Variants in ADGRB1 observed in about 807,000 individuals in gnomAD.
ADGRB1 encodes adhesion G protein-coupled receptor B1, also known as brain-specific angiogenesis inhibitor 1.
A neutral mutation model predicts 175.7 loss-of-function variants in ADGRB1; 36 were observed. The observed-to-expected ratio is 0.20, with a 90% CI of 0.16 to 0.27. The LOEUF (loss-of-function observed/expected upper bound fraction) is 0.27. Ranked by LOEUF, ADGRB1 falls within the 10% of genes least tolerant of loss-of-function variation. ADGRB1 has a pLI of 1.00. For synonymous variants in ADGRB1, 1,054 were observed against 979.4 expected (o/e 1.08, Z -1.42); for missense variants, 1,731 against 2,255.3 (o/e 0.77, Z 4.71).
chr8:142,487,195 G>A (rs1841712069), intron 13 of ADGRB1, among the ~76,000 whole-genome samples: 2 of 152,092 alleles, frequency 1.3e-5, no homozygotes. Flanking sequence ...TGGTGCCCAT[G>A]CCAGCCCTCC....
chr8:142,543,717 G>A lies in ADGRB1; in HGVS notation c.4557+9G>A, dbSNP rs1845422570. On this transcript the variant is annotated intron_variant, in intron 30 of 30. Transcript: ENST00000517894. This position sits in a 1 kb window ranked among gnomAD's most constrained non-coding sequence, Gnocchi z 4.4. ...TGGGGCCGGACAGCAAGGTCTGGAG[G>A]GCAGGGAGGGGCGGGGTGGGGAGAG... is the stretch of plus-strand genomic sequence containing the variant. 3 of 1,549,036 alleles carry A rather than the reference G, an allele frequency of 1.9e-6. No homozygotes were observed. Among genetic ancestry groups the A allele is most frequent in the Non-Finnish European group, 2.6e-6 (3 of 1,144,736 alleles).
chr8:142,527,391 GTC>G (rs781242197), intron 24 of ADGRB1, among the ~76,000 whole-genome samples: 5 of 152,054 alleles, frequency 3.3e-5, no homozygotes, highest in Admixed American at 2.0e-4. Context: ...GTGTCTCTCT[GTC>G]TCTCTCTCTG....
In ADGRB1 at chr8:142,526,534, C is replaced by T; in HGVS notation, c.3313-8C>T. The T allele has an allele frequency of 6.4e-7, 1 of 1,564,976 alleles. No homozygotes were observed. Among genetic ancestry groups the T allele is most frequent in the Non-Finnish European group, 8.7e-7 (1 of 1,150,772 alleles). ...ACCCCCACACCCCCACCACTCTCTG[C>T]CCGGCAGGTGAACATGGTCATTGGG... On this transcript the variant is annotated splice_region_variant and splice_polypyrimidine_tract_variant and intron_variant, in intron 23 of 30. Coordinates refer to ENST00000517894, the MANE Select transcript of ADGRB1 (RefSeq NM_001702.3).
In ADGRB1 at chr8:142,493,767, G is replaced by A. The variant is rs1842088720; in HGVS notation, c.2675+2952G>A. On this transcript the variant is annotated intron_variant, in intron 17 of 30. Transcript: ENST00000517894. The surrounding 1 kb of genome is among the most constrained non-coding windows in gnomAD (Gnocchi z 5.0). ...ACTGGGCAGCCTGGAGCCCTAGAGG[G>A]CGGGCCACGGCTGGCAGGGAAGGAC... Among the ~76,000 whole-genome samples the A allele has an allele frequency of 6.6e-6, 1 of 152,252 alleles. No homozygotes were observed. The highest frequency in any genetic ancestry group is 2.4e-5 in the African/African-American group (1 of 41,476).
chr8:142,529,530 C>T (rs1230118233), intron 24 of ADGRB1, among the ~76,000 whole-genome samples: 1 of 152,076 alleles, frequency 6.6e-6, no homozygotes. Context: ...AAGAGTGTGC[C>T]TTGATGTGTG....
At chr8:142,524,942 C>T (rs1489599523) in intron 23 of ADGRB1, among the ~76,000 whole-genome samples, 1 of 152,076 alleles carries the variant, frequency 6.6e-6, no homozygotes, top group Non-Finnish European at 1.5e-5. Flanking sequence ...CAGCCAGCCC[C>T]CACCTCTCTA....
At chr8:142,524,445 G>T in intron 23 of ADGRB1, 141 bp downstream of exon 23, 3 of 989,040 alleles carry the variant, frequency 3.0e-6, no homozygotes, top group Non-Finnish European at 4.4e-6. Flanking sequence ...ATCACCAGGG[G>T]GTGGGGGTGC....
At chr8:142,488,335 G>C in intron 13 of ADGRB1, 29 bp from the exon 14 acceptor site, 1 of 1,611,744 alleles carries the variant, frequency 6.2e-7, no homozygotes, top group African/African-American at 1.3e-5. Context: ...CCTCCTCTCT[G>C]TCTCTCCCGC....
At chr8:142,513,921 G>C (rs1044345871) in intron 18 of ADGRB1, among the ~76,000 whole-genome samples, 7 of 152,102 alleles carry the variant, frequency 4.6e-5, no homozygotes, top group African/African-American at 1.7e-4. Context: ...TACTCCAGGG[G>C]CGTGAGGAGC....
Position 142,542,301 on chromosome 8 carries a change from G to T in ADGRB1, c.4067G>T (p.Arg1356Leu). ...VILPTATATL[R>L]PKPKEEPKYS... is the part of the protein sequence containing the mutation. ...CTGCCCACGGCCACGGCCACGCTGC[G>T]GCCCAAGCCCAAGGAGGAGCCCAAG... The change falls in exon 28 of 31, where the codon CGG (arginine) becomes CTG (leucine). Residue 1356 changes from arginine to leucine, a missense_variant. Arg to Leu is a moderately radical substitution (Grantham distance 102). Coordinates refer to ENST00000517894, the MANE Select transcript of ADGRB1 (RefSeq NM_001702.3). This position sits in a 1 kb window ranked among gnomAD's most constrained non-coding sequence, Gnocchi z 6.3. 1.9e-6 allele frequency: 3 copies of T among 1,613,180 alleles called. No homozygotes were observed. Among genetic ancestry groups the T allele is most frequent in the Non-Finnish European group, 2.5e-6 (3 of 1,179,786 alleles).
intron 24 of ADGRB1, among the ~76,000 whole-genome samples, chr8:142,528,148 C>T (rs577541865): frequency 8.5e-5 from 13 of 152,360 alleles, no homozygotes; most frequent in African/African-American, 2.6e-4. Context: ...GGCACACACA[C>T]GTGGGCATAC....
rs775975204 is a variant in ADGRB1 at position 142,493,102 on chromosome 8, G to C, written c.2675+2287G>C. 6.6e-5 allele frequency among the ~76,000 whole-genome samples: 10 copies of C among 151,956 alleles called. No individual in the cohort carries two copies. The highest frequency in any genetic ancestry group is 1.3e-4 in the Non-Finnish European group (9 of 67,964). On this transcript the variant is annotated intron_variant, in intron 17 of 30. Transcript: ENST00000517894. The surrounding 1 kb of genome is among the most constrained non-coding windows in gnomAD (Gnocchi z 5.0). ...CTCCCTGGGGATCAGTCCCCAGGCA[G>C]TCTTGTCAGGTGGAGGGTGTGGGCC...
At chr8:142,536,217 C>A (rs1844913873) in intron 25 of ADGRB1, among the ~76,000 whole-genome samples, 1 of 135,758 alleles carries the variant, frequency 7.4e-6, no homozygotes, top group Admixed American at 7.5e-5. Flanking sequence ...TGCCCCCCAC[C>A]ACCCCCAAGG....
Position 142,505,819 on chromosome 8 carries a change from G to A in ADGRB1, c.2676-5113G>A, listed in dbSNP as rs556853621. 1.7e-4 allele frequency among the ~76,000 whole-genome samples: 26 copies of A among 152,322 alleles called. 1 individual carries two copies. The South Asian group carries it at 4.8e-3, about 28-fold the overall frequency. On this transcript the variant is annotated intron_variant, in intron 17 of 30. Coordinates refer to ENST00000517894, the MANE Select transcript of ADGRB1 (RefSeq NM_001702.3). ...CGGCGGCCACAGTAGCCAGGGGCAC[G>A]GGTGGTGGCTGTGGAGGGTGGGCAC...
chr8:142,517,098 C>T (rs1843490759), intron 18 of ADGRB1, among the ~76,000 whole-genome samples: 1 of 152,038 alleles, frequency 6.6e-6, no homozygotes, highest in Admixed American at 6.5e-5. Context: ...CTGGGGGCAC[C>T]GCTGGGGAAG....
chr8:142,461,056 G>C (rs1316255216), intron 1 of ADGRB1, among the ~76,000 whole-genome samples: 7 of 152,336 alleles, frequency 4.6e-5, no homozygotes, highest in Middle Eastern at 3.4e-3. Flanking sequence ...AGGGCCCTAG[G>C]GGATGCCAGG....
At chr8:142,450,272 C>G (rs1839259527) in intron 1 of ADGRB1, among the ~76,000 whole-genome samples, 168 bp downstream of exon 1, 1 of 151,618 alleles carries the variant, frequency 6.6e-6, no homozygotes, top group Non-Finnish European at 1.5e-5. Context: ...CCCCCACCCC[C>G]TACCCCCTCA....
chr8:142,510,060 A>AGGAGGAGGAAGAGGAGGC lies in ADGRB1; in HGVS notation c.2676-854_2676-837dup, dbSNP rs1007844268. ...TGGGGGAATTCGGCTCCAAAGCAGG[A>AGGAGGAGGAAGAGGAGGC]GGAGGAGGAAGAGGAGGCGGAGGAG... On this transcript the variant is annotated intron_variant, in intron 17 of 30. Coordinates refer to ENST00000517894, the MANE Select transcript of ADGRB1 (RefSeq NM_001702.3). This position sits in a 1 kb window ranked among gnomAD's most constrained non-coding sequence, Gnocchi z 6.3. Among the ~76,000 whole-genome samples, 4 of 151,896 alleles carry AGGAGGAGGAAGAGGAGGC rather than the reference A, an allele frequency of 2.6e-5. No individual in the cohort carries two copies. Among genetic ancestry groups the AGGAGGAGGAAGAGGAGGC allele is most frequent in the South Asian group, 2.1e-4 (1 of 4,780 alleles).
At position 142,475,465 on chromosome 8, in the gene ADGRB1, TC is replaced by T. The variant is rs1158341197; in HGVS notation, c.785-3del. 7.7e-7 allele frequency: 1 copy of T among 1,290,494 alleles called. No homozygotes were observed. 79.9% of individuals were successfully genotyped at this position (1,290,494 alleles called of 1,614,324 possible). On this transcript the variant is annotated splice_region_variant and splice_polypyrimidine_tract_variant and intron_variant, in intron 2 of 30. Transcript: ENST00000517894. ...CTGCCCTGATCCCCGCCCTCTGGTT[TC>T]CCCCCAGGCGGCTGGAAGCTGTGGT...
Sources: allele counts gnomAD v4.1 joint callset (sites outside exome capture counted in the v4.1 genomes callset), GRCh38; gene constraint gnomAD v4.1.1; non-coding constraint Gnocchi (gnomAD v3.1); transcripts MANE v1.5; gene names NCBI Gene and HGNC (gene_info 2026-07-23, HGNC 2026-07-21).